HAT1: variants seen among roughly 807,000 people sequenced by gnomAD.
The protein encoded by HAT1 is histone acetyltransferase 1, also known as histone acetyltransferase type B catalytic subunit.
In HAT1, 20 loss-of-function variants were observed where a neutral mutation model predicts 56.6. That is an observed-to-expected ratio of 0.35 (90% confidence interval 0.25 to 0.51). HAT1 has a LOEUF of 0.51. Among genes scored for constraint, HAT1 ranks in the 20% least tolerant of loss-of-function variants. The pLI is 0.95. For missense variants in HAT1, 408 were observed against 504.3 expected, an observed-to-expected ratio of 0.81 and a Z score of 1.83; for synonymous variants, 146 against 165.5, an observed-to-expected ratio of 0.88 and a Z score of 0.91.
intron 2 of HAT1, among the ~76,000 whole-genome samples, chr2:171,946,142 C>A (rs938212093): frequency 6.6e-6 from 1 of 152,130 alleles, no homozygotes; most frequent in African/African-American, 2.4e-5. Flanking sequence ...AGTACTCTCC[C>A]CCTAGTTTTC....
At chr2:171,946,632 A>T in intron 2 of HAT1, 76 bp from the exon 3 acceptor site, 3 of 850,086 alleles carry the variant, frequency 3.5e-6, no homozygotes, top group South Asian at 1.5e-5. Flanking sequence ...ACTGAAACTC[A>T]TGAAATAGGA....
chr2:171,964,208 T>C (rs1399267370), intron 4 of HAT1, among the ~76,000 whole-genome samples: 1 of 152,198 alleles, frequency 6.6e-6, no homozygotes, highest in East Asian at 1.9e-4. Flanking sequence ...CTAAGCATCT[T>C]AATTTCCCTG....
intron 2 of HAT1, among the ~76,000 whole-genome samples, chr2:171,938,567 C>T (rs993642096): frequency 6.6e-6 from 1 of 152,162 alleles, no homozygotes; most frequent in African/African-American, 2.4e-5. Flanking sequence ...AAGTGTATTG[C>T]TTATGTCCAG....
intron 3 of HAT1, among the ~76,000 whole-genome samples, chr2:171,952,132 AAC>A (rs1226319092): frequency 1.4e-4 from 21 of 152,198 alleles, no homozygotes; most frequent in African/African-American, 5.1e-4. Context: ...GAGTTGTGCA[AAC>A]ACAGTCAATT....
At chr2:171,949,124 T>G (rs1687240059) in intron 3 of HAT1, among the ~76,000 whole-genome samples, 2 of 152,218 alleles carry the variant, frequency 1.3e-5, no homozygotes, top group African/African-American at 2.4e-5. Context: ...ACCTTTTTCA[T>G]TTATTAGTTG....
intron 10 of HAT1, chr2:171,980,162 G>C (rs1688097380): frequency 6.6e-6 from 1 of 152,108 alleles, no homozygotes; most frequent in Admixed American, 6.5e-5. Context: ...ACCATGGTTA[G>C]CTTTTCTTTC....
Position 171,952,943 on chromosome 2 carries a change from C to CTGTTG in HAT1, c.251_252insTGTTG (p.Thr85ValfsTer20). On this transcript the variant is annotated frameshift_variant, in exon 4 of 11. Coordinates refer to ENST00000264108, the MANE Select transcript of HAT1 (RefSeq NM_003642.4). LOFTEE classifies it high-confidence loss of function. ...TTATACTATATTGCTGGTAGCCTGT[C>CTGTTG]AACAATGTTCCGTGTTGAATATGCA... 1 of 1,593,796 alleles carries CTGTTG rather than the reference C, an allele frequency of 6.3e-7. No individual in the cohort carries two copies. Among genetic ancestry groups the CTGTTG allele is most frequent in the Non-Finnish European group, 8.6e-7 (1 of 1,161,934 alleles).
At chr2:171,956,136 T>G (rs1558972612) in intron 4 of HAT1, among the ~76,000 whole-genome samples, 1 of 137,290 alleles carries the variant, frequency 7.3e-6, no homozygotes, top group Non-Finnish European at 1.5e-5. Context: ...AGTATGATCA[T>G]GCCACTGCAC....
At chr2:171,948,844 T>C (rs1687234466) in intron 3 of HAT1, among the ~76,000 whole-genome samples, 1 of 152,250 alleles carries the variant, frequency 6.6e-6, no homozygotes, top group African/African-American at 2.4e-5. Flanking sequence ...GTCCTCAGTG[T>C]ATCACATCAG....
At chr2:171,957,598 G>A (rs1231692413) in intron 4 of HAT1, among the ~76,000 whole-genome samples, 2 of 152,138 alleles carry the variant, frequency 1.3e-5, no homozygotes, top group Non-Finnish European at 2.9e-5. Context: ...TATGGTAATG[G>A]TTGAGACTTT....
chr2:171,981,152 G>A (rs539705252), intron 10 of HAT1, among the ~76,000 whole-genome samples: 7 of 152,022 alleles, frequency 4.6e-5, no homozygotes, highest in African/African-American at 1.2e-4. Context: ...CCTGGGTGAC[G>A]AGCAAAATTC....
intron 2 of HAT1, among the ~76,000 whole-genome samples, chr2:171,943,072 AGT>A (rs1170639733): frequency 0.12 from 18,178 of 148,598 alleles, 1,390 homozygotes; most frequent in Non-Finnish European, 0.17. Context: ...GACATATTTG[AGT>A]TTTTTTTTTT....
Position 171,983,350 on chromosome 2 carries a change from T to G in HAT1, c.1258T>G (p.Ter420GluextTer41). ...TGTTATTGAACGACTTGCTCAAGAGTAAAGATTATACTGCTCTGTACAGGA... is the reference window on the plus strand; with the variant it reads ...TGTTATTGAACGACTTGCTCAAGAGGAAAGATTATACTGCTCTGTACAGGA... The part of the protein sequence containing the change: ...RRVIERLAQE[*>E] Residue 420 changes from the stop codon to glutamate, a stop_lost, in exon 11 of 11, where the codon TAA becomes GAA. Transcript: ENST00000264108. 1.3e-6 allele frequency: 2 copies of G among 1,592,836 alleles called. No individual in the cohort carries two copies. The highest frequency in any genetic ancestry group is 2.2e-5 in the South Asian group (2 of 89,406).
At chr2:171,968,717 CATTAAGAT>C (rs1687741300) in intron 8 of HAT1, among the ~76,000 whole-genome samples, 1 of 152,122 alleles carries the variant, frequency 6.6e-6, no homozygotes, top group Non-Finnish European at 1.5e-5. Flanking sequence ...CAGCTGTTCT[CATTAAGAT>C]ATTTATTTCT....
At position 171,931,428 on chromosome 2, in the gene HAT1, G is replaced by A. The variant is rs538875992; in HGVS notation, c.112+5787G>A. On this transcript the variant is annotated intron_variant, in intron 2 of 10. Coordinates refer to ENST00000264108, the MANE Select transcript of HAT1 (RefSeq NM_003642.4). ...CATATAGCCGGGCATGGTGGCTCAC[G>A]CCTGTAATACCAGCACTTTGGGAGG... Among the ~76,000 whole-genome samples, 71 of 151,792 alleles carry A rather than the reference G, an allele frequency of 4.7e-4. 1 individual carries two copies. In the South Asian group the frequency reaches 0.014, roughly 30 times the overall value.
intron 8 of HAT1, among the ~76,000 whole-genome samples, chr2:171,973,427 G>C (rs1045556501): frequency 4.7e-5 from 7 of 150,170 alleles, no homozygotes; most frequent in Admixed American, 1.3e-4. Flanking sequence ...AGTCTCTTGG[G>C]TCTTGATAGG....
At chr2:171,976,114 A>C in intron 8 of HAT1, 43 bp from the exon 9 acceptor site, 2 of 1,083,978 alleles carry the variant, frequency 1.8e-6, no homozygotes, top group Non-Finnish European at 2.4e-6. Flanking sequence ...AATTATATTG[A>C]GTATCAGGGA....
intron 2 of HAT1, among the ~76,000 whole-genome samples, chr2:171,940,759 C>A (rs1486865174): frequency 1.3e-5 from 2 of 152,118 alleles, no homozygotes; most frequent in African/African-American, 4.8e-5. Flanking sequence ...ATGTACTATA[C>A]ACAGAGGGCT....
At chr2:171,946,124 A>G (rs1444997037) in intron 2 of HAT1, among the ~76,000 whole-genome samples, 1 of 152,160 alleles carries the variant, frequency 6.6e-6, no homozygotes, top group East Asian at 1.9e-4. Flanking sequence ...TATTTATACA[A>G]ATATTTCAGT....
Sources: gnomAD v4.1 joint callset for allele counts (sites outside exome capture counted in the v4.1 genomes callset) on GRCh38, gnomAD v4.1.1 for gene constraint, MANE v1.5 for transcripts, NCBI Gene and HGNC (gene_info 2026-07-23, HGNC 2026-07-21) for gene names.